RSRC1: variants seen among roughly 807,000 people sequenced by gnomAD.
The protein encoded by RSRC1 is arginine and serine rich coiled-coil 1.
In RSRC1, 39 loss-of-function variants were observed where a neutral mutation model predicts 49.1. That is an observed-to-expected ratio of 0.79 (90% confidence interval 0.61 to 1.04). RSRC1 has a LOEUF of 1.04. Ranked by LOEUF, RSRC1 falls within the 50% of genes least tolerant of loss-of-function variation. RSRC1 has a pLI of 0.00. For missense variants in RSRC1, 388 were observed against 402.4 expected (o/e 0.96, Z 0.31); for synonymous variants, 143 against 130.8 (o/e 1.09, Z -0.63).
At chr3:158,243,757 C>T (rs115691571) in intron 4 of RSRC1, among the ~76,000 whole-genome samples, 2,595 of 152,024 alleles carry the variant, frequency 0.017, 91 homozygotes, top group African/African-American at 0.06. Flanking sequence ...GGTACTTCAC[C>T]TCCCTTGTTA....
At chr3:158,489,469 C>A (rs1738976162) in intron 7 of RSRC1, among the ~76,000 whole-genome samples, 1 of 152,058 alleles carries the variant, frequency 6.6e-6, no homozygotes, top group Non-Finnish European at 1.5e-5. Context: ...TATGCTTAAT[C>A]TTTTTATTGA....
chr3:158,334,804 GC>G (rs1729794257), intron 5 of RSRC1, among the ~76,000 whole-genome samples: 1 of 152,032 alleles, frequency 6.6e-6, no homozygotes, highest in Non-Finnish European at 1.5e-5. Flanking sequence ...ACAATCATGA[GC>G]CACTGCACCC....
At chr3:158,402,526 T>A (rs1377822293) in intron 6 of RSRC1, among the ~76,000 whole-genome samples, 2 of 151,810 alleles carry the variant, frequency 1.3e-5, no homozygotes, top group Non-Finnish European at 3.0e-5. Context: ...GTATTATAGA[T>A]CTACTAAACC....
At chr3:158,538,431 A>C (rs1254744582) in intron 8 of RSRC1, among the ~76,000 whole-genome samples, 1 of 151,810 alleles carries the variant, frequency 6.6e-6, no homozygotes, top group African/African-American at 2.4e-5. Context: ...ATTTAATCTT[A>C]TTCTTACATA....
chr3:158,284,043 T>G (rs1211689230), intron 4 of RSRC1, among the ~76,000 whole-genome samples: 3 of 144,028 alleles, frequency 2.1e-5, no homozygotes, highest in Admixed American at 7.0e-5. Flanking sequence ...CCTCCCCCCT[T>G]CCCCCCACCC....
rs369750402 is a variant in RSRC1, at chr3:158,218,290, G to A, written c.494+15045G>A. Among the ~76,000 whole-genome samples the A allele has an allele frequency of 1.8e-4, 28 of 151,750 alleles. 1 individual carries two copies. In the South Asian group the frequency reaches 4.6e-3, roughly 25 times the overall value. ...CAGAGGGATAAGTAAGAGTGGATGC[G>A]GAGAAACCAGATAAGTAGCACAGTA... On this transcript the variant is annotated intron_variant, in intron 4 of 9. Coordinates refer to ENST00000611884, the MANE Select transcript of RSRC1 (RefSeq NM_001271838.2).
At chr3:158,141,784 T>A (rs964152790) in intron 3 of RSRC1, among the ~76,000 whole-genome samples, 3 of 152,092 alleles carry the variant, frequency 2.0e-5, no homozygotes, top group Non-Finnish European at 4.4e-5. Context: ...CATTAAAAGA[T>A]TAGGTTATGA....
intron 5 of RSRC1, among the ~76,000 whole-genome samples, chr3:158,304,771 A>G (rs942433423): frequency 1.3e-5 from 2 of 152,138 alleles, no homozygotes; most frequent in African/African-American, 4.8e-5. Context: ...GCGTATTAAA[A>G]CAGACACTTT....
At chr3:158,462,900 C>T (rs1297822560) in intron 7 of RSRC1, among the ~76,000 whole-genome samples, 1 of 152,018 alleles carries the variant, frequency 6.6e-6, no homozygotes. Context: ...TTCCTCCAAT[C>T]ATAGCTGTTT....
intron 4 of RSRC1, among the ~76,000 whole-genome samples, chr3:158,286,257 T>G (rs946602032): frequency 2.0e-5 from 3 of 152,208 alleles, no homozygotes; most frequent in African/African-American, 7.2e-5. Context: ...TTGAAAGTAA[T>G]AAATTCTCCC....
intron 7 of RSRC1, among the ~76,000 whole-genome samples, chr3:158,491,386 G>A (rs933589317): frequency 1.3e-5 from 2 of 152,180 alleles, no homozygotes; most frequent in African/African-American, 4.8e-5. Context: ...TTCACAGCCA[G>A]ATCACTCAAT....
Position 158,154,732 on chromosome 3 carries a change from G to A in RSRC1, c.320+30741G>A, listed in dbSNP as rs189424578. On this transcript the variant is annotated intron_variant, in intron 3 of 9. Transcript: ENST00000611884. ...CCCACCTCTGCCTTCCAAAGTGCTC[G>A]ATTACAGGCGTGAGCCACTGCGCCC... is the stretch of plus-strand genomic sequence containing the variant. Among the ~76,000 whole-genome samples the A allele has an allele frequency of 3.7e-3, 568 of 152,216 alleles. 6 individuals are homozygous for A. Among genetic ancestry groups the A allele is most frequent in the African/African-American group, 0.013 (538 of 41,542 alleles).
chr3:158,541,596 T>A (rs1222377399), intron 8 of RSRC1, among the ~76,000 whole-genome samples: 1 of 152,216 alleles, frequency 6.6e-6, no homozygotes, highest in Non-Finnish European at 1.5e-5. Context: ...TCTGTATATT[T>A]TTCTTAGTGA....
At chr3:158,483,320 G>GT (rs764075542) in intron 7 of RSRC1, among the ~76,000 whole-genome samples, 18 of 151,974 alleles carry the variant, frequency 1.2e-4, no homozygotes, top group Non-Finnish European at 2.2e-4. Context: ...AGGATGATTT[G>GT]TATTTCTCAT....
intron 5 of RSRC1, among the ~76,000 whole-genome samples, chr3:158,340,594 C>T (rs867485318): frequency 2.0e-5 from 3 of 152,136 alleles, no homozygotes; most frequent in Admixed American, 6.6e-5. Context: ...TTGCCTCCCA[C>T]CATGATTTTG....
chr3:158,427,402 G>T (rs1334258671), intron 6 of RSRC1, among the ~76,000 whole-genome samples: 1 of 151,782 alleles, frequency 6.6e-6, no homozygotes, highest in Non-Finnish European at 1.5e-5. Context: ...GGATTATATT[G>T]CTTATTTGTA....
chr3:158,395,492 C>A (rs1020485941), intron 6 of RSRC1, among the ~76,000 whole-genome samples: 2 of 151,992 alleles, frequency 1.3e-5, no homozygotes, highest in Admixed American at 1.3e-4. Flanking sequence ...AAGCAAAAAA[C>A]AACCCTATAA....
At chr3:158,478,399 G>A (rs1255023374) in intron 7 of RSRC1, among the ~76,000 whole-genome samples, 2 of 151,868 alleles carry the variant, frequency 1.3e-5, no homozygotes, top group Non-Finnish European at 2.9e-5. Context: ...ATAGTAGAGA[G>A]TAAAACAAGC....
intron 7 of RSRC1, among the ~76,000 whole-genome samples, chr3:158,490,275 G>A (rs548771395): frequency 2.0e-5 from 3 of 152,078 alleles, no homozygotes; most frequent in Non-Finnish European, 4.4e-5. Context: ...TAGTAGAGAT[G>A]GGGTTTCACC....
Sources: gnomAD v4.1 joint callset for allele counts (sites outside exome capture counted in the v4.1 genomes callset) on GRCh38, gnomAD v4.1.1 for gene constraint, MANE v1.5 for transcripts, NCBI Gene and HGNC (gene_info 2026-07-23, HGNC 2026-07-21) for gene names.